Variants in PCSK2 observed in about 807,000 individuals in gnomAD.
PCSK2 encodes neuroendocrine convertase 2.
PCSK2 carries 14 observed loss-of-function variants against 69.7 expected under a neutral mutation model. The observed-to-expected ratio is 0.20, with a 90% CI of 0.13 to 0.31. The LOEUF (loss-of-function observed/expected upper bound fraction) is 0.31. Among genes scored for constraint, PCSK2 ranks in the 10% least tolerant of loss-of-function variants. The probability of loss-of-function intolerance (pLI) is 1.00; values close to 1 mark genes in which losing one functional copy is unlikely to be tolerated. For missense variants in PCSK2, 544 were observed against 842.5 expected (o/e 0.65, Z 4.39); for synonymous variants, 307 against 320.7 (o/e 0.96, Z 0.46).
At chr20:17,459,686 T>C (rs966480144) in intron 10 of PCSK2, among the ~76,000 whole-genome samples, 3 of 152,346 alleles carry the variant, frequency 2.0e-5, no homozygotes, top group East Asian at 3.9e-4. Context: ...TTGAGCACAC[T>C]GGGTAAAGTT....
chr20:17,260,139 C>T (rs921546332), intron 1 of PCSK2, 101 bp from the exon 2 acceptor site: 2 of 750,998 alleles, frequency 2.7e-6, no homozygotes, highest in Non-Finnish European at 4.8e-6. Context: ...GCATACTTCC[C>T]TACCCCATGG....
chr20:17,464,922 T>C (rs777671100), intron 10 of PCSK2: 1 of 266,194 alleles, frequency 3.8e-6, no homozygotes, highest in Non-Finnish European at 7.4e-6. Context: ...TTCCAGGCCA[T>C]AGCTTAAGCT....
At chr20:17,354,486 T>C (rs2030127579) in intron 2 of PCSK2, among the ~76,000 whole-genome samples, 1 of 152,174 alleles carries the variant, frequency 6.6e-6, no homozygotes, top group South Asian at 2.1e-4. Flanking sequence ...CTCGGAAATA[T>C]TTCTCTGACA....
intron 2 of PCSK2, among the ~76,000 whole-genome samples, chr20:17,268,033 G>GTATATATATATATATATATA (rs753655282): frequency 0.013 from 822 of 64,990 alleles, 26 homozygotes; most frequent in Non-Finnish European, 0.017. Context: ...TATCCAATGT[G>GTATATATATATATATATATA]TATATATATA....
intron 2 of PCSK2, among the ~76,000 whole-genome samples, chr20:17,288,804 C>A (rs1024107402): frequency 6.6e-6 from 1 of 152,166 alleles, no homozygotes; most frequent in Non-Finnish European, 1.5e-5. Flanking sequence ...TCTCCAGAAT[C>A]GTGAGAAAAT....
chr20:17,354,175 G>A (rs1687831063), intron 2 of PCSK2, among the ~76,000 whole-genome samples: 2 of 152,158 alleles, frequency 1.3e-5, no homozygotes, highest in African/African-American at 4.8e-5. Flanking sequence ...ATGTTTAAAA[G>A]ATATTCTCAT....
chr20:17,472,390 C>T (rs1333474006), intron 11 of PCSK2, among the ~76,000 whole-genome samples: 2 of 152,224 alleles, frequency 1.3e-5, no homozygotes, highest in African/African-American at 2.4e-5. Context: ...GCAGAGGCTT[C>T]CTGCACAAGT....
chr20:17,344,019 G>A (rs1799235721), intron 2 of PCSK2, among the ~76,000 whole-genome samples: 1 of 152,212 alleles, frequency 6.6e-6, no homozygotes, highest in African/African-American at 2.4e-5. Flanking sequence ...ACTGCAGGAT[G>A]AAAAGCCACT....
At chr20:17,332,133 C>G (rs1289549736) in intron 2 of PCSK2, among the ~76,000 whole-genome samples, 1 of 152,136 alleles carries the variant, frequency 6.6e-6, no homozygotes, top group African/African-American at 2.4e-5. Context: ...ACGAAACTTG[C>G]AGGTGTTCAC....
chr20:17,268,063 A>ATATATATATATATATATAT (rs1987702272), intron 2 of PCSK2, among the ~76,000 whole-genome samples: 3 of 145,400 alleles, frequency 2.1e-5, no homozygotes, highest in Non-Finnish European at 4.5e-5. Flanking sequence ...ATATATATAT[A>ATATATATATATATATATAT]ATGCATTTAT....
chr20:17,445,950 G>A (rs2032691272), intron 8 of PCSK2, among the ~76,000 whole-genome samples: 1 of 152,130 alleles, frequency 6.6e-6, no homozygotes, highest in Non-Finnish European at 1.5e-5. Flanking sequence ...ATTTTGCCAG[G>A]GACTTTCCTG....
intron 4 of PCSK2, among the ~76,000 whole-genome samples, chr20:17,367,149 A>C (rs1030191820): frequency 7.2e-5 from 11 of 152,010 alleles, no homozygotes; most frequent in Admixed American, 6.6e-5. Context: ...TAAATTATCA[A>C]AATTTTTCAC....
intron 2 of PCSK2, among the ~76,000 whole-genome samples, chr20:17,346,669 T>C (rs970999150): frequency 6.6e-6 from 1 of 152,256 alleles, no homozygotes. Context: ...AGGGACTTTC[T>C]AGCTTCTCTG....
chr20:17,245,581 T>G (rs2122963225), intron 1 of PCSK2, among the ~76,000 whole-genome samples: 1 of 152,324 alleles, frequency 6.6e-6, no homozygotes, highest in East Asian at 1.9e-4. Flanking sequence ...AGCTTGGACC[T>G]GACTACAGAC....
chr20:17,319,886 G>A (rs573249705), intron 2 of PCSK2, among the ~76,000 whole-genome samples: 2 of 152,242 alleles, frequency 1.3e-5, no homozygotes, highest in African/African-American at 4.8e-5. Context: ...AAAGTCACAT[G>A]ACTAACTCAA....
At chr20:17,298,850 T>C (rs1254066346) in intron 2 of PCSK2, among the ~76,000 whole-genome samples, 1 of 152,126 alleles carries the variant, frequency 6.6e-6, no homozygotes, top group African/African-American at 2.4e-5. Context: ...AGAAGGAATA[T>C]TTTTCTTGTA....
At chr20:17,319,394 C>T (rs1002770193) in intron 2 of PCSK2, among the ~76,000 whole-genome samples, 4 of 152,100 alleles carry the variant, frequency 2.6e-5, no homozygotes, top group African/African-American at 7.2e-5. Flanking sequence ...CAGTAGGAGC[C>T]GATTGGTCTT....
chr20:17,367,990 C>T (rs2030647193), intron 4 of PCSK2, among the ~76,000 whole-genome samples: 1 of 152,126 alleles, frequency 6.6e-6, no homozygotes, highest in South Asian at 2.1e-4. Context: ...GCAATTGCTT[C>T]ACTCATCAAA....
intron 5 of PCSK2, among the ~76,000 whole-genome samples, chr20:17,383,167 CA>C (rs1337326722): frequency 6.6e-6 from 1 of 152,142 alleles, no homozygotes; most frequent in Non-Finnish European, 1.5e-5. Context: ...GAGGATTGAA[CA>C]CTTGGCTTTC....
Sources: gnomAD v4.1 joint callset for allele counts (sites outside exome capture counted in the v4.1 genomes callset) on GRCh38, gnomAD v4.1.1 for gene constraint, MANE v1.5 for transcripts, NCBI Gene and HGNC (gene_info 2026-07-23, HGNC 2026-07-21) for gene names.